Variants in DMD observed in about 807,000 individuals in gnomAD.
The protein encoded by DMD is dystrophin.
In DMD, 63 loss-of-function variants were observed where a neutral mutation model predicts 330.1. That is an observed-to-expected ratio of 0.19 (90% confidence interval 0.16 to 0.24). The LOEUF (loss-of-function observed/expected upper bound fraction) is 0.24, where lower values mean the gene tolerates loss of function less well. DMD is among the 10% of genes least tolerant of loss of function. The pLI, the probability that DMD is intolerant of heterozygous loss-of-function variation, is 1.00. For synonymous variants in DMD, 1,223 were observed against 959.8 expected (o/e 1.27, Z -5.07); for missense variants, 3,344 against 2,684.1 (o/e 1.25, Z -5.43).
At chrX:32,063,844 G>C (rs912019749) in intron 44 of DMD, among the ~76,000 whole-genome samples, 1 of 111,220 alleles carries the variant, frequency 9.0e-6, no homozygotes, top group African/African-American at 3.2e-5. Context: ...TTACTAAACA[G>C]AAAGTTTGCA....
intron 7 of DMD, among the ~76,000 whole-genome samples, chrX:32,754,606 A>T (rs2071266235): frequency 9.0e-6 from 1 of 111,047 alleles, no homozygotes; most frequent in Non-Finnish European, 1.9e-5. Flanking sequence ...TGAGACCATC[A>T]CAACCAGTCT....
chrX:32,504,233 A>T (rs2044375300), intron 18 of DMD, among the ~76,000 whole-genome samples: 1 of 112,200 alleles, frequency 8.9e-6, no homozygotes, highest in Non-Finnish European at 1.9e-5. Context: ...GATCAACTTC[A>T]TTGGAAGTTT....
chrX:31,261,455 C>T (rs2050506982), intron 62 of DMD: 1 of 159,030 alleles, frequency 6.3e-6, no homozygotes, highest in Non-Finnish European at 1.2e-5. Context: ...TCTCACTTCT[C>T]ATTTGCTTTC....
chrX:33,050,182 C>T (rs1468012668), intron 1 of DMD, among the ~76,000 whole-genome samples: 1 of 111,125 alleles, frequency 9.0e-6, no homozygotes, highest in Non-Finnish European at 1.9e-5. Context: ...TGAATTGAGG[C>T]CAACTTTGAT....
Position 32,545,146 on chromosome X carries a change from A to G in DMD, c.2168+13T>C, listed in dbSNP as rs228373. 320,341 of 1,203,283 alleles carry G rather than the reference A, an allele frequency of 0.27. 31,458 individuals carry two copies. Among genetic ancestry groups the G allele is most frequent in the East Asian group, 0.53 (17,662 of 33,596 alleles). ...CCACTTCATTTGCAGATAAAAGCTT[A>G]AGATGCTCTCACCTTTTCCTAATTT... On this transcript the variant is annotated intron_variant, in intron 17 of 78. Transcript: ENST00000357033.
chrX:31,856,725 A>ATGTG (rs1363109275), intron 48 of DMD, among the ~76,000 whole-genome samples: 2 of 112,384 alleles, frequency 1.8e-5, no homozygotes, highest in Non-Finnish European at 3.8e-5. Context: ...GTATGTATGT[A>ATGTG]TGTGTGTGTG....
At chrX:33,267,560 C>T (rs1400906873) in intron 1 of DMD, among the ~76,000 whole-genome samples, 2 of 111,225 alleles carry the variant, frequency 1.8e-5, no homozygotes, top group East Asian at 5.7e-4. Context: ...CGAAGCCATC[C>T]TAAGCAGCAA....
chrX:31,264,148 C>T (rs915691151), intron 62 of DMD, among the ~76,000 whole-genome samples: 1 of 112,216 alleles, frequency 8.9e-6, no homozygotes, highest in African/African-American at 3.2e-5. Flanking sequence ...TTTACAGCTT[C>T]GTTTCTTACT....
intron 4 of DMD, among the ~76,000 whole-genome samples, chrX:32,832,423 CTTTCATTTCT>C (rs773681588): frequency 9.5e-4 from 105 of 110,809 alleles, no homozygotes; most frequent in African/African-American, 3.4e-3. Flanking sequence ...CTATTTGGTT[CTTTCATTTCT>C]TTTCATTTCA....
intron 55 of DMD, among the ~76,000 whole-genome samples, chrX:31,539,064 T>C (rs2073624471): frequency 9.0e-6 from 1 of 111,500 alleles, no homozygotes; most frequent in Non-Finnish European, 1.9e-5. Flanking sequence ...AGCTGGAGAG[T>C]ATCTTAAACA....
intron 59 of DMD, among the ~76,000 whole-genome samples, chrX:31,472,702 G>A (rs780031984): frequency 8.9e-6 from 1 of 112,096 alleles, no homozygotes; most frequent in Non-Finnish European, 1.9e-5. Flanking sequence ...GAATGCTGAA[G>A]ATAAATAAGG....
intron 63 of DMD, among the ~76,000 whole-genome samples, chrX:31,224,686 T>C (rs2046410153): frequency 8.9e-6 from 1 of 112,209 alleles, no homozygotes; most frequent in Admixed American, 9.4e-5. Flanking sequence ...AAAAGATGTG[T>C]ACATGAATAT....
intron 62 of DMD, among the ~76,000 whole-genome samples, chrX:31,297,464 G>A (rs935259493): frequency 4.5e-5 from 5 of 111,651 alleles, no homozygotes; most frequent in African/African-American, 1.3e-4. Context: ...AAGATATAAT[G>A]TTTAAGGGGA....
At position 32,389,509 on chromosome X, in the gene DMD, G is replaced by C. The variant is rs1469008607; in HGVS notation, c.4510C>G (p.His1504Asp). The C allele has an allele frequency of 8.3e-7, 1 of 1,209,222 alleles. No individual in the cohort carries two copies. Among genetic ancestry groups the C allele is most frequent in the South Asian group, 1.8e-5 (1 of 56,871 alleles). The change falls in exon 32 of 79, where the codon CAT becomes GAT. Residue 1504 changes from histidine (H) to aspartate (D), a missense_variant. By Grantham distance (81) the His-to-Asp change is moderately conservative. Coordinates refer to ENST00000357033, the MANE Select transcript of DMD (RefSeq NM_004006.3). ...EQEVVQSQLN[H>D]CVNLYKSLSE... ...CCACCAGAAATACATACCACACAAT[G>C]ATTTAGCTGTGACTGTACTACTTCC...
In DMD at chrX:32,363,068, AAGAG is replaced by A. The variant is rs1033153585; in HGVS notation, c.5155-114_5155-111del. Reference sequence around the variant, plus strand: ...GAGCAAGTGAGCGAGAAGAGTGAGAAAGAGAGAGAGAGAAAGTAAGAAAATGAGA... The same window carrying A: ...GAGCAAGTGAGCGAGAAGAGTGAGAAAGAGAGAGAAAGTAAGAAAATGAGA... On this transcript the variant is annotated intron_variant, in intron 36 of 78. Transcript: ENST00000357033. The A allele has an allele frequency of 8.0e-6, 6 of 745,797 alleles. No individual in the cohort carries two copies. The African/African-American group carries it at 1.1e-4, about 13-fold the overall frequency. The allele number at this position is 745,797 out of a possible 1,213,427, so 61.5% of individuals were successfully genotyped here.
At chrX:33,218,476 T>A (rs2052098375) in intron 1 of DMD, among the ~76,000 whole-genome samples, 1 of 111,463 alleles carries the variant, frequency 9.0e-6, no homozygotes, top group Non-Finnish European at 1.9e-5. Flanking sequence ...TCCTCTGCCA[T>A]TTGAACTTTT....
Position 32,596,086 on chromosome X carries a change from G to A in DMD, c.1483-210C>T, listed in dbSNP as rs116688000. The stretch of plus-strand genomic sequence containing the variant: ...TTAATTTAACTGGAAAGTATCTAGA[G>A]AAGACAAATGTTAAGAAAGGTACAG... On this transcript the variant is annotated intron_variant, in intron 12 of 78. Coordinates refer to ENST00000357033, the MANE Select transcript of DMD (RefSeq NM_004006.3). 4.4e-3 allele frequency among the ~76,000 whole-genome samples: 493 copies of A among 111,242 alleles called. 3 individuals carry two copies. Among genetic ancestry groups the A allele is most frequent in the African/African-American group, 0.015 (465 of 30,617 alleles).
intron 29 of DMD, among the ~76,000 whole-genome samples, chrX:32,425,395 T>G (rs769862394): frequency 3.6e-5 from 4 of 111,524 alleles, no homozygotes; most frequent in Middle Eastern, 4.6e-3. Context: ...CCTTCCATTT[T>G]TTTTGCTCGT....
rs147516358 is a variant in DMD at position 33,232,619 on chromosome X, G to A, written c.7+106640C>T. Among the ~76,000 whole-genome samples the A allele has an allele frequency of 8.1e-3, 906 of 111,465 alleles. 12 individuals are homozygous for A. The highest frequency in any genetic ancestry group is 0.028 in the African/African-American group (866 of 30,666). ...CTTAAAAGCTAAAGGAGCCAGGTGC[G>A]GAGTCTCACACCTGTAATCCTAGCA... On this transcript the variant is annotated intron_variant, in intron 1 of 17. Coordinates refer to the DMD transcript ENST00000288447.
Sources: allele counts gnomAD v4.1 joint callset (sites outside exome capture counted in the v4.1 genomes callset), GRCh38; gene constraint gnomAD v4.1.1; transcripts MANE v1.5; gene names NCBI Gene and HGNC (gene_info 2026-07-23, HGNC 2026-07-21).